The following SP140 variants were observed in gnomAD, a reference collection of about 807,000 sequenced individuals.
The protein encoded by SP140 is nuclear body protein SP140.
Under a neutral mutation model 125.0 loss-of-function variants are expected in SP140, and 81 were observed. The ratio of observed to expected loss-of-function variants is 0.65; its 90% CI spans 0.54 to 0.78. The LOEUF is 0.78. SP140 is among the 30% of genes least tolerant of loss of function. The pLI is 0.00. For synonymous variants in SP140, 312 were observed against 354.0 expected, an observed-to-expected ratio of 0.88 and a Z score of 1.33; for missense variants, 858 against 1,037.0, an observed-to-expected ratio of 0.83 and a Z score of 2.37.
At chr2:230,307,734 T>G (rs886589215) in intron 22 of SP140, among the ~76,000 whole-genome samples, 1 of 151,994 alleles carries the variant, frequency 6.6e-6, no homozygotes. Flanking sequence ...TGGCAGGCCC[T>G]TGGTAGGTAT....
chr2:230,263,378 G>T (rs1299733166), intron 12 of SP140, among the ~76,000 whole-genome samples: 2 of 152,090 alleles, frequency 1.3e-5, no homozygotes, highest in Non-Finnish European at 2.9e-5. Flanking sequence ...TCTCCTGAAG[G>T]CAGCAGATGG....
At chr2:230,296,098 A>T (rs1470960428) in intron 21 of SP140, among the ~76,000 whole-genome samples, 2 of 151,718 alleles carry the variant, frequency 1.3e-5, no homozygotes, top group Non-Finnish European at 2.9e-5. Context: ...AAAATTACCC[A>T]GACATTGTGG....
chr2:230,187,773 G>A, the SP140 span, among the ~76,000 whole-genome samples: 6 of 152,022 alleles, frequency 3.9e-5, no homozygotes, highest in Non-Finnish European at 7.4e-5. Context: ...TTATGTTTTT[G>A]TATGCTTTGT....
At chr2:230,308,896 A>C (rs1440986747) in intron 22 of SP140, among the ~76,000 whole-genome samples, 1 of 152,192 alleles carries the variant, frequency 6.6e-6, no homozygotes. Context: ...AGCACTTTTC[A>C]CTTGAACGGC....
At chr2:230,309,837 C>A in intron 22 of SP140, 87 bp from the exon 23 acceptor site, 2 of 1,378,392 alleles carry the variant, frequency 1.5e-6, no homozygotes, top group Non-Finnish European at 2.1e-6. Context: ...CAGGTTCACA[C>A]AAAGGCAGTG....
intron 1 of SP140, among the ~76,000 whole-genome samples, chr2:230,233,945 A>G (rs2047616597): frequency 6.6e-6 from 1 of 152,238 alleles, no homozygotes; most frequent in African/African-American, 2.4e-5. Context: ...GACACCTGAA[A>G]GGGTCTTGCA....
At chr2:230,201,180 G>A (rs2043150761), upstream of SP140, among the ~76,000 whole-genome samples, 3 of 152,302 alleles carry the variant, frequency 2.0e-5, no homozygotes, top group South Asian at 6.2e-4. Flanking sequence ...GGTTAGCAGT[G>A]GTTACTCTAC....
chr2:230,290,934 G>T (rs1412788904), intron 19 of SP140, among the ~76,000 whole-genome samples: 3 of 152,182 alleles, frequency 2.0e-5, no homozygotes, highest in Admixed American at 6.5e-5. Context: ...GCTTGGTATA[G>T]GGAGATGATC....
chr2:230,307,988 T>TATATATATATATATATATAC (rs1553607408), intron 22 of SP140, among the ~76,000 whole-genome samples: 1 of 74,448 alleles, frequency 1.3e-5, no homozygotes, highest in Non-Finnish European at 2.6e-5. Flanking sequence ...TATATATATA[T>TATATATATATATATATATAC]ATACACACAC....
At chr2:230,308,217 A>G (rs1187954516) in intron 22 of SP140, among the ~76,000 whole-genome samples, 2 of 151,832 alleles carry the variant, frequency 1.3e-5, no homozygotes, top group Non-Finnish European at 1.5e-5. Context: ...GAATGATACA[A>G]TGGGCCTTGG....
chr2:230,239,095 T>C, intron 3 of SP140: 1 of 1,321,718 alleles, frequency 7.6e-7, no homozygotes, highest in Non-Finnish European at 9.9e-7. Context: ...GAAGTCAGTA[T>C]GAAGAATGGG....
upstream of SP140, among the ~76,000 whole-genome samples, chr2:230,222,169 G>T (rs1327553649): frequency 6.6e-6 from 1 of 151,374 alleles, no homozygotes; most frequent in African/African-American, 2.4e-5. Context: ...GCTGGAGGTT[G>T]CAGTGAGCTG....
chr2:230,294,790 A>G, intron 21 of SP140, among the ~76,000 whole-genome samples: 1 of 152,236 alleles, frequency 6.6e-6, no homozygotes, highest in Non-Finnish European at 1.5e-5. Context: ...GCATGAAACC[A>G]TATATCATTT....
Position 230,225,779 on chromosome 2 carries a change from A to G in SP140, c.-66A>G. On this transcript the variant is annotated 5_prime_UTR_variant, in exon 1 of 27. Transcript: ENST00000392045. ...GCACCGAGGGGCAGTTGGCAGCTTC[A>G]CCTCAGAGCTGCAGGAAGGAACGGG... The G allele has an allele frequency of 7.4e-7, 1 of 1,349,760 alleles. No homozygotes were observed. The highest frequency in any genetic ancestry group is 1.1e-6 in the Non-Finnish European group (1 of 938,750). 83.6% of individuals were successfully genotyped at this position (1,349,760 alleles called of 1,614,324 possible). A position where few individuals can be genotyped will look rare whatever the true frequency, so the allele number is the denominator to read the frequency against.
chr2:230,255,386 T>C, intron 11 of SP140, 66 bp from the exon 12 acceptor site: 1 of 1,575,712 alleles, frequency 6.3e-7, no homozygotes, highest in Non-Finnish European at 8.7e-7. Context: ...TTCACTAAGT[T>C]TTCTCTTCAT....
At chr2:230,292,596 G>A (rs2057256157) in intron 19 of SP140, 50 bp from the exon 20 acceptor site, 2 of 1,612,074 alleles carry the variant, frequency 1.2e-6, no homozygotes, top group African/African-American at 1.3e-5. Flanking sequence ...GCCATAGTCT[G>A]TGCGCTGGGA....
chr2:230,295,743 G>A (rs1284269641), intron 21 of SP140, among the ~76,000 whole-genome samples: 3 of 152,162 alleles, frequency 2.0e-5, no homozygotes, highest in African/African-American at 7.2e-5. Context: ...CTCATGACAA[G>A]GGCCACATAG....
At position 230,209,808 on chromosome 2, in the gene SP140, G is replaced by C. The variant is rs530367649; in HGVS notation, c.-322-3846G>C. 4 of 735,040 alleles carry C rather than the reference G, an allele frequency of 5.4e-6. No homozygotes were observed. In the Admixed American group the frequency reaches 5.9e-5, roughly 11 times the overall value. The allele number at this position is 735,040 out of a possible 1,614,324, so 45.5% of individuals were successfully genotyped here. A position where few individuals can be genotyped will look rare whatever the true frequency, so the allele number is the denominator to read the frequency against. On this transcript the variant is annotated intron_variant, in intron 1 of 4. Transcript: ENST00000456542. ...TGCAGCAAATGGAAACTGCAGAAACGAACTGTGTGTGGCATCAGGACTGTG... is the reference window on the plus strand; with the variant it reads ...TGCAGCAAATGGAAACTGCAGAAACCAACTGTGTGTGGCATCAGGACTGTG...
In SP140 at chr2:230,211,528, T is replaced by C. The variant is rs2044476653; in HGVS notation, c.-322-2126T>C. The stretch of plus-strand genomic sequence containing the variant: ...CTTGAGGGTCTTCTTTATCTCTTAT[T>C]TGGGGGATCAGGTTGTCACTGGCCA... On this transcript the variant is annotated intron_variant, in intron 1 of 4. Transcript: ENST00000456542. This position sits in a 1 kb window ranked among gnomAD's most constrained non-coding sequence, Gnocchi z 4.2. The C allele has an allele frequency of 6.2e-7, 1 of 1,611,254 alleles. No homozygotes were observed.
Sources: allele counts gnomAD v4.1 joint callset (sites outside exome capture counted in the v4.1 genomes callset), GRCh38; gene constraint gnomAD v4.1.1; non-coding constraint Gnocchi (gnomAD v3.1); transcripts MANE v1.5; gene names NCBI Gene and HGNC (gene_info 2026-07-23, HGNC 2026-07-21).